The following PCBP3 variants were observed in gnomAD, a reference collection of about 807,000 sequenced individuals.
PCBP3 encodes poly(rC) binding protein 3, also known as poly(rC)-binding protein 3.
A neutral mutation model predicts 52.7 loss-of-function variants in PCBP3; 25 were observed. That is an observed-to-expected ratio of 0.47 (90% CI 0.35 to 0.66). The LOEUF is 0.66. PCBP3 is among the 30% of genes least tolerant of loss of function. The pLI is 0.01. For synonymous variants in PCBP3, 162 were observed against 183.0 expected, an observed-to-expected ratio of 0.89 and a Z score of 0.93; for missense variants, 391 against 490.3, an observed-to-expected ratio of 0.80 and a Z score of 1.91.
rs1210799923 is a variant in PCBP3 at position 45,724,030 on chromosome 21, T to C, written c.-199-11362T>C. 6.6e-6 allele frequency among the ~76,000 whole-genome samples: 1 copy of C among 152,226 alleles called. No homozygotes were observed. Among genetic ancestry groups the C allele is most frequent in the East Asian group, 1.9e-4 (1 of 5,204 alleles). On this transcript the variant is annotated intron_variant, in intron 2 of 17. Transcript: ENST00000681687. This position sits in a 1 kb window ranked among gnomAD's most constrained non-coding sequence, Gnocchi z 5.3. ...CCCACATCCTGCTTCTTGTTGGCAC[T>C]GTAAAACTCTCAATTCACTCACCTG...
intron 1 of PCBP3, among the ~76,000 whole-genome samples, chr21:45,649,181 CAA>C (rs1412775444): frequency 2.0e-5 from 3 of 152,276 alleles, no homozygotes; most frequent in South Asian, 2.1e-4. Flanking sequence ...TGGCAGCAGA[CAA>C]GAGAAGAGAG....
At chr21:45,776,383 G>A (rs4818798) in intron 4 of PCBP3, among the ~76,000 whole-genome samples, 2 of 151,840 alleles carry the variant, frequency 1.3e-5, no homozygotes, top group African/African-American at 4.8e-5. Flanking sequence ...GTGAAAATCA[G>A]TCTCTGAGAG....
chr21:45,855,646 C>T (rs971332529), intron 5 of PCBP3, among the ~76,000 whole-genome samples: 2 of 152,262 alleles, frequency 1.3e-5, no homozygotes, highest in Non-Finnish European at 1.5e-5. Context: ...CTCCGTACCC[C>T]GCCACCCTAG....
intron 13 of PCBP3, chr21:45,919,308 G>A (rs382195): frequency 0.2 from 30,374 of 152,184 alleles, 3,791 homozygotes; most frequent in Non-Finnish European, 0.28. Flanking sequence ...TGCGAGAGGC[G>A]CCTCTGAGCT....
At chr21:45,851,655 C>G (rs1164102842) in intron 5 of PCBP3, among the ~76,000 whole-genome samples, 1 of 152,006 alleles carries the variant, frequency 6.6e-6, no homozygotes, top group Non-Finnish European at 1.5e-5. Context: ...AAAGAAATAA[C>G]CATAGATACA....
chr21:45,833,679 A>G (rs545062971), intron 4 of PCBP3, among the ~76,000 whole-genome samples: 1 of 152,288 alleles, frequency 6.6e-6, no homozygotes, highest in African/African-American at 2.4e-5. Flanking sequence ...GCGCCCATGA[A>G]TGTGAGTGGC....
At chr21:45,746,748 C>T (rs77525454) in intron 3 of PCBP3, among the ~76,000 whole-genome samples, 18 of 9,904 alleles carry the variant, frequency 1.8e-3, no homozygotes, top group Admixed American at 3.0e-3. Flanking sequence ...TGTCAGTCCA[C>T]TGACGTAGCG....
At chr21:45,822,165 C>T (rs982604843) in intron 4 of PCBP3, among the ~76,000 whole-genome samples, 1 of 152,118 alleles carries the variant, frequency 6.6e-6, no homozygotes, top group Non-Finnish European at 1.5e-5. Context: ...CTCGTTTGAC[C>T]CTTTTGAAGG....
In PCBP3 at chr21:45,900,538, G is replaced by A. The variant is rs148923687; in HGVS notation, c.190-53G>A. 9.0e-4 allele frequency: 1,319 copies of A among 1,472,602 alleles called. 3 individuals are homozygous for A. The African/African-American group carries it at 0.012, about 13-fold the overall frequency. 91.2% of individuals were successfully genotyped at this position (1,472,602 alleles called of 1,614,324 possible). On this transcript the variant is annotated intron_variant, in intron 7 of 17. Transcript: ENST00000681687. ...CTCCCCACCCACCATGGGCCGCGCC[G>A]TCCTCAGAGCCAGAGGGATACCTTT...
intron 5 of PCBP3, among the ~76,000 whole-genome samples, chr21:45,893,518 T>G (rs915102882): frequency 1.6e-5 from 1 of 64,182 alleles, no homozygotes; most frequent in Non-Finnish European, 2.9e-5. Context: ...GAGTGTGTTC[T>G]GGCCTGAGGC....
intron 1 of PCBP3, among the ~76,000 whole-genome samples, chr21:45,664,843 C>G (rs918757885): frequency 1.0e-4 from 15 of 146,708 alleles, no homozygotes; most frequent in African/African-American, 2.8e-4. Flanking sequence ...GTTCAATTCC[C>G]ACCTATGAGT....
Position 45,805,230 on chromosome 21 carries a change from C to T in PCBP3, c.-125-44731C>T, listed in dbSNP as rs937416808. ...CATGGCAGGGTCTAAGGCTGTTCCC[C>T]GGAAGCCTACCTTCTATAGGAAGAG... On this transcript the variant is annotated intron_variant, in intron 4 of 17. Coordinates refer to ENST00000681687, the MANE Select transcript of PCBP3 (RefSeq NM_001384156.1). The surrounding 1 kb of genome is among the most constrained non-coding windows in gnomAD (Gnocchi z 4.6). Among the ~76,000 whole-genome samples the T allele has an allele frequency of 5.3e-5, 8 of 152,188 alleles. No homozygotes were observed. The highest frequency in any genetic ancestry group is 1.0e-4 in the Non-Finnish European group (7 of 68,036).
At chr21:45,804,331 A>T (rs2092419360) in intron 4 of PCBP3, among the ~76,000 whole-genome samples, 1 of 152,140 alleles carries the variant, frequency 6.6e-6, no homozygotes, top group East Asian at 1.9e-4. Context: ...ATGGTATAAA[A>T]TGTTTTGCCT....
At chr21:45,668,419 C>T (rs963994264) in intron 1 of PCBP3, among the ~76,000 whole-genome samples, 10 of 152,000 alleles carry the variant, frequency 6.6e-5, no homozygotes, top group Non-Finnish European at 1.3e-4. Context: ...ATAAATGTAA[C>T]CTGGCAAGTG....
chr21:45,679,717 T>A (rs1400201668), intron 2 of PCBP3, among the ~76,000 whole-genome samples: 2 of 152,228 alleles, frequency 1.3e-5, no homozygotes, highest in African/African-American at 4.8e-5. Context: ...AGATAAAATA[T>A]TTTTAATTTT....
chr21:45,884,075 A>G (rs1234465489), intron 5 of PCBP3, among the ~76,000 whole-genome samples: 1 of 152,076 alleles, frequency 6.6e-6, no homozygotes, highest in Non-Finnish European at 1.5e-5. Context: ...CTGGGACCAC[A>G]GGCATGCACC....
intron 5 of PCBP3, among the ~76,000 whole-genome samples, chr21:45,855,312 G>A (rs992419265): frequency 3.3e-5 from 5 of 152,126 alleles, no homozygotes; most frequent in South Asian, 2.1e-4. Flanking sequence ...CGCAGGCTCC[G>A]GAAGCCCACG....
At chr21:45,697,035 GTTGA>G (rs1371621885) in intron 2 of PCBP3, among the ~76,000 whole-genome samples, 1 of 152,186 alleles carries the variant, frequency 6.6e-6, no homozygotes, top group Non-Finnish European at 1.5e-5. Context: ...TATGCTGCTG[GTTGA>G]TTGTGACCTG....
At chr21:45,757,800 G>T (rs561887451) in intron 4 of PCBP3, among the ~76,000 whole-genome samples, 1 of 152,092 alleles carries the variant, frequency 6.6e-6, no homozygotes, top group Non-Finnish European at 1.5e-5. Flanking sequence ...CTATGGAATG[G>T]TCTTAGTATT....
Sources: allele counts gnomAD v4.1 joint callset (sites outside exome capture counted in the v4.1 genomes callset), GRCh38; gene constraint gnomAD v4.1.1; non-coding constraint Gnocchi (gnomAD v3.1); transcripts MANE v1.5; gene names NCBI Gene and HGNC (gene_info 2026-07-23, HGNC 2026-07-21).